Variants in TRNAU1AP observed in about 807,000 individuals in gnomAD.
The protein encoded by TRNAU1AP is tRNA selenocysteine 1-associated protein 1.
In TRNAU1AP, 33 loss-of-function variants were observed where a neutral mutation model predicts 43.3. The observed-to-expected ratio is 0.76, with a 90% confidence interval of 0.58 to 1.02. TRNAU1AP has a LOEUF of 1.02. Ranked by LOEUF, TRNAU1AP falls within the 50% of genes least tolerant of loss-of-function variation. The pLI is 0.00. For missense variants in TRNAU1AP, 290 were observed against 362.7 expected, an observed-to-expected ratio of 0.80 and a Z score of 1.63; for synonymous variants, 143 against 129.1, an observed-to-expected ratio of 1.11 and a Z score of -0.73.
chr1:28,574,009 G>A (rs76380171), intron 8 of TRNAU1AP, among the ~76,000 whole-genome samples: 7,445 of 150,948 alleles, frequency 0.049, 609 homozygotes, highest in African/African-American at 0.17. Flanking sequence ...GAAGGCCAAC[G>A]TGGGTTGGAG....
chr1:28,571,904 A>G lies in TRNAU1AP; in HGVS notation c.727+4A>G. The G allele has an allele frequency of 1.2e-6, 2 of 1,612,376 alleles. No individual in the cohort carries two copies. Among genetic ancestry groups the G allele is most frequent in the African/African-American group, 2.7e-5 (2 of 74,980 alleles). On this transcript the variant is annotated splice_donor_region_variant and intron_variant, in intron 8 of 8. Transcript: ENST00000373830. ...GTTGGAGATGATGCATTGGAAGGTA[A>G]GGGTTCATACGTTCCTTACTCTGTC...
At chr1:28,573,562 C>T (rs376201836) in intron 8 of TRNAU1AP, among the ~76,000 whole-genome samples, 19 of 151,894 alleles carry the variant, frequency 1.3e-4, no homozygotes, top group South Asian at 1.2e-3. Context: ...CACCTAAGGT[C>T]GGAAGTTCTA....
Position 28,571,270 on chromosome 1 carries a change from T to A in TRNAU1AP, c.625T>A (p.Tyr209Asn). The part of the protein sequence containing the change: ...QYQNYYAQWG[Y>N]DQNTGSYSYS... ...CCAGAACTACTATGCTCAGTGGGGC[T>A]ATGACCAGAACACAGGCAGCTACAG... is the stretch of plus-strand genomic sequence containing the variant. The change falls in exon 7 of 9, where the codon TAT (tyrosine) becomes AAT (asparagine). Residue 209 changes from tyrosine (Y) to asparagine (N), a missense_variant. Coordinates refer to ENST00000373830, the MANE Select transcript of TRNAU1AP (RefSeq NM_017846.5). 6.2e-7 allele frequency: 1 copy of A among 1,614,084 alleles called. No homozygotes were observed. Among genetic ancestry groups the A allele is most frequent in the Admixed American group, 1.7e-5 (1 of 59,998 alleles).
intron 2 of TRNAU1AP, among the ~76,000 whole-genome samples, chr1:28,559,547 G>C (rs1230381290): frequency 6.6e-6 from 1 of 151,944 alleles, no homozygotes; most frequent in Non-Finnish European, 1.5e-5. Flanking sequence ...AGAATCGCTT[G>C]AATCTGGGAG....
chr1:28,561,929 G>A (rs10157536), intron 4 of TRNAU1AP, among the ~76,000 whole-genome samples: 6,535 of 152,220 alleles, frequency 0.043, 164 homozygotes, highest in African/African-American at 0.059. Context: ...CAAATTAGCC[G>A]GGCGTGGTGG....
rs1570254156 is a variant in TRNAU1AP, at chr1:28,567,421, C to T, written c.530+8C>T. The T allele has an allele frequency of 6.3e-7, 1 of 1,593,940 alleles. No homozygotes were observed. Among genetic ancestry groups the T allele is most frequent in the South Asian group, 1.2e-5 (1 of 86,936 alleles). The stretch of plus-strand genomic sequence containing the variant: ...CGTGGCAATCCCTAAAGCGTGAGTC[C>T]TGCAGGGAAGGTAGAGAGACTCTAG... On this transcript the variant is annotated splice_region_variant and intron_variant, in intron 6 of 8. Transcript: ENST00000373830.
At chr1:28,560,312 C>T (rs1460641719) in intron 2 of TRNAU1AP, among the ~76,000 whole-genome samples, 2 of 149,364 alleles carry the variant, frequency 1.3e-5, no homozygotes, top group Admixed American at 6.7e-5. Flanking sequence ...AGTCTCAAAC[C>T]AGCCTGTTGC....
chr1:28,562,060 G>A (rs1423681050), intron 4 of TRNAU1AP, among the ~76,000 whole-genome samples: 1 of 152,324 alleles, frequency 6.6e-6, no homozygotes, highest in East Asian at 1.9e-4. Flanking sequence ...TCCAGCCTGG[G>A]CAACAGAGTG....
rs571815695 is a variant in TRNAU1AP at position 28,578,418 on chromosome 1, C to G, written c.*782C>G. 10 of 230,124 alleles carry G rather than the reference C, an allele frequency of 4.3e-5. No individual in the cohort carries two copies. In the South Asian group the frequency reaches 4.9e-4, roughly 11 times the overall value. The allele number at this position is 230,124 out of a possible 1,614,324, so 14.3% of individuals were successfully genotyped here. ...TTGAGGCAAAGCATTCATCCTACAT[C>G]ATAAAAAATCTCCAAAGATCTCTTT... On this transcript the variant is annotated 3_prime_UTR_variant, in exon 9 of 9. Transcript: ENST00000373830.
intron 2 of TRNAU1AP, among the ~76,000 whole-genome samples, chr1:28,558,885 T>G (rs558790621): frequency 6.6e-6 from 1 of 152,264 alleles, no homozygotes; most frequent in South Asian, 2.1e-4. Context: ...TTTTCTTACA[T>G]AACCACAATG....
intron 2 of TRNAU1AP, among the ~76,000 whole-genome samples, chr1:28,559,587 G>C (rs1665359515): frequency 6.6e-6 from 1 of 151,956 alleles, no homozygotes; most frequent in South Asian, 2.1e-4. Flanking sequence ...TTGAACCCAG[G>C]AGGTGGAGGT....
Position 28,558,997 on chromosome 1 carries a change from T to A in TRNAU1AP, c.126-1636T>A, listed in dbSNP as rs149767745. Reference sequence around the variant, plus strand: ...TTGTCCCCACAATATTGATAGTTTTTCATTTATTAGTGAATTATAATTCAA... The same window carrying A: ...TTGTCCCCACAATATTGATAGTTTTACATTTATTAGTGAATTATAATTCAA... On this transcript the variant is annotated intron_variant, in intron 2 of 8. Coordinates refer to ENST00000373830, the MANE Select transcript of TRNAU1AP (RefSeq NM_017846.5). Among the ~76,000 whole-genome samples the A allele has an allele frequency of 3.9e-4, 60 of 152,308 alleles. 1 individual carries two copies. Among genetic ancestry groups the A allele is most frequent in the African/African-American group, 1.4e-3 (57 of 41,590 alleles).
intron 4 of TRNAU1AP, among the ~76,000 whole-genome samples, chr1:28,563,860 G>GA (rs555463429): frequency 3.4e-5 from 5 of 147,050 alleles, no homozygotes; most frequent in South Asian, 4.3e-4. Flanking sequence ...TCAACAAAAA[G>GA]AAAAAAAAAA....
chr1:28,575,616 T>G (rs1477413471), intron 8 of TRNAU1AP, among the ~76,000 whole-genome samples: 1 of 144,704 alleles, frequency 6.9e-6, no homozygotes, highest in African/African-American at 2.6e-5. Flanking sequence ...GCATGCGCCA[T>G]CATGCCCAGC....
intron 1 of TRNAU1AP, chr1:28,553,339 C>A: frequency 2.9e-6 from 2 of 680,786 alleles, no homozygotes. Context: ...GGGGCCCCAC[C>A]TGGGTTCGTG....
rs188458349 is a variant in TRNAU1AP at position 28,557,598 on chromosome 1, G to C, written c.126-3035G>C. On this transcript the variant is annotated intron_variant, in intron 2 of 8. Transcript: ENST00000373830. The stretch of plus-strand genomic sequence containing the variant: ...TAATCTTGGTGTTTTGTTTTGTTTT[G>C]TTTTCTTTTGAGACAGAGTCTTGCT... 7.1e-3 allele frequency among the ~76,000 whole-genome samples: 998 copies of C among 140,684 alleles called. 4 individuals carry two copies. Among genetic ancestry groups the C allele is most frequent in the Admixed American group, 1.0e-2 (135 of 13,540 alleles). The allele number at this position is 140,684 out of a possible 152,430, so 92.3% of individuals were successfully genotyped here. A position where few individuals can be genotyped will look rare whatever the true frequency, so the allele number is the denominator to read the frequency against.
At chr1:28,573,376 C>T (rs1665704146) in intron 8 of TRNAU1AP, among the ~76,000 whole-genome samples, 1 of 151,026 alleles carries the variant, frequency 6.6e-6, no homozygotes, top group Non-Finnish European at 1.5e-5. Context: ...CACGGTGGCT[C>T]ACCCCTGTAA....
intron 5 of TRNAU1AP, 139 bp downstream of exon 5, chr1:28,564,973 A>G: frequency 1.0e-6 from 1 of 1,000,026 alleles, no homozygotes; most frequent in East Asian, 2.4e-5. Context: ...TTCAAATCCC[A>G]GCTCCAATAC....
At chr1:28,566,891 T>C (rs1336117439) in intron 5 of TRNAU1AP, among the ~76,000 whole-genome samples, 1 of 152,274 alleles carries the variant, frequency 6.6e-6, no homozygotes, top group African/African-American at 2.4e-5. Flanking sequence ...ACGTTGTCTT[T>C]CTGTGACTGC....
Sources: gnomAD v4.1 joint callset for allele counts (sites outside exome capture counted in the v4.1 genomes callset) on GRCh38, gnomAD v4.1.1 for gene constraint, MANE v1.5 for transcripts, NCBI Gene and HGNC (gene_info 2026-07-23, HGNC 2026-07-21) for gene names.